The following RNF6 variants were observed in gnomAD, a reference collection of about 807,000 sequenced individuals.
RNF6 encodes the protein ring finger protein 6, also known as E3 ubiquitin-protein ligase RNF6.
RNF6 carries 21 observed loss-of-function variants against 50.1 expected under a neutral mutation model. The ratio of observed to expected loss-of-function variants is 0.42; its 90% CI spans 0.30 to 0.60. The LOEUF (loss-of-function observed/expected upper bound fraction) is 0.60. Among genes scored for constraint, RNF6 ranks in the 20% least tolerant of loss-of-function variants. The pLI is 0.20. For synonymous variants in RNF6, 255 were observed against 291.8 expected (o/e 0.87, Z 1.29); for missense variants, 698 against 838.2 (o/e 0.83, Z 2.07).
chr13:26,219,769 C>T (rs935178227), intron 2 of RNF6, 102 bp from the exon 3 acceptor site: 3 of 1,051,432 alleles, frequency 2.9e-6, no homozygotes, highest in African/African-American at 1.6e-5. Context: ...AATGTTGTCC[C>T]CTACCCAAAT....
intron 5 of RNF6, among the ~76,000 whole-genome samples, chr13:26,190,189 C>G (rs1379743933): frequency 6.6e-6 from 1 of 152,194 alleles, no homozygotes; most frequent in Non-Finnish European, 1.5e-5. Flanking sequence ...GACCATTCTT[C>G]ACATTTTCCT....
chr13:26,172,688 T>C (rs948315634), intron 5 of RNF6, among the ~76,000 whole-genome samples: 10 of 152,010 alleles, frequency 6.6e-5, no homozygotes. Context: ...GCACTACAGG[T>C]GCCCGCCACC....
intron 5 of RNF6, among the ~76,000 whole-genome samples, chr13:26,164,267 T>G (rs984113825): frequency 3.3e-5 from 5 of 152,174 alleles, no homozygotes; most frequent in Admixed American, 1.3e-4. Flanking sequence ...AACTGTCTTA[T>G]TCTCTCACTT....
At chr13:26,169,297 G>A (rs1260781142) in intron 5 of RNF6, among the ~76,000 whole-genome samples, 3 of 152,184 alleles carry the variant, frequency 2.0e-5, no homozygotes, top group Non-Finnish European at 4.4e-5. Context: ...TCAAAAAAAG[G>A]AGAGAGTGTA....
chr13:26,175,228 A>C (rs1259058821), intron 5 of RNF6, among the ~76,000 whole-genome samples: 8 of 152,208 alleles, frequency 5.3e-5, no homozygotes, highest in South Asian at 2.1e-4. Flanking sequence ...CTACAGGTGC[A>C]CACCACCATG....
downstream of RNF6, among the ~76,000 whole-genome samples, chr13:26,208,000 G>A (rs1391097216): frequency 2.0e-5 from 3 of 152,214 alleles, no homozygotes; most frequent in Non-Finnish European, 4.4e-5. Flanking sequence ...TGAATTTGAG[G>A]TTCCAAAGGG....
At chr13:26,219,304 T>C (rs1445892983) in intron 3 of RNF6, 153 bp downstream of exon 3, 4 of 619,004 alleles carry the variant, frequency 6.5e-6, no homozygotes, top group Non-Finnish European at 1.1e-5. Flanking sequence ...GATTTTCTAC[T>C]TTATTATACT....
chr13:26,170,135 A>G (rs1269933494), intron 5 of RNF6, among the ~76,000 whole-genome samples: 3 of 152,178 alleles, frequency 2.0e-5, no homozygotes, highest in Admixed American at 1.3e-4. Flanking sequence ...AGAGTCCATT[A>G]AGTAAGTGAT....
chr13:26,140,193 T>G (rs1479798047), intron 5 of RNF6, among the ~76,000 whole-genome samples: 4 of 152,260 alleles, frequency 2.6e-5, no homozygotes, highest in African/African-American at 9.6e-5. Context: ...CATTTTCTAT[T>G]GCTTATATGC....
At chr13:26,141,302 TC>T (rs1343397144) in intron 5 of RNF6, among the ~76,000 whole-genome samples, 1 of 151,522 alleles carries the variant, frequency 6.6e-6, no homozygotes, top group Non-Finnish European at 1.5e-5. Flanking sequence ...GTGGTGCATA[TC>T]TTTAATCCTA....
chr13:26,152,266 A>T (rs1408842721), intron 5 of RNF6, among the ~76,000 whole-genome samples: 1 of 152,228 alleles, frequency 6.6e-6, no homozygotes, highest in Non-Finnish European at 1.5e-5. Context: ...TACGTTTCCC[A>T]CTGTCCCCTT....
At chr13:26,172,412 A>G (rs1334622226) in intron 5 of RNF6, among the ~76,000 whole-genome samples, 3 of 152,272 alleles carry the variant, frequency 2.0e-5, no homozygotes, top group Admixed American at 6.5e-5. Flanking sequence ...GGATAAAGGA[A>G]CAATTTCTTC....
intron 5 of RNF6, among the ~76,000 whole-genome samples, chr13:26,169,189 C>T (rs2137628411): frequency 6.6e-6 from 1 of 152,278 alleles, no homozygotes; most frequent in East Asian, 1.9e-4. Flanking sequence ...TCCCTGCCAG[C>T]TCATGCACCC....
intron 5 of RNF6, among the ~76,000 whole-genome samples, chr13:26,161,557 T>A (rs987472302): frequency 1.3e-5 from 2 of 152,260 alleles, no homozygotes; most frequent in Non-Finnish European, 2.9e-5. Flanking sequence ...CCTAGGGTAC[T>A]ACATGACCTT....
intron 5 of RNF6, among the ~76,000 whole-genome samples, chr13:26,193,145 C>T (rs1868525903): frequency 6.6e-6 from 1 of 152,048 alleles, no homozygotes; most frequent in African/African-American, 2.4e-5. Flanking sequence ...TACCAGTAAG[C>T]AGTTGGATAT....
chr13:26,219,522 A>T lies in RNF6; in HGVS notation c.128T>A (p.Phe43Tyr). The T allele has an allele frequency of 6.2e-7, 1 of 1,613,794 alleles. No homozygotes were observed. Among genetic ancestry groups the T allele is most frequent in the Middle Eastern group, 1.7e-4 (1 of 6,060 alleles). ...ATCTTCATCATTGAGTTCATTAATA[A>T]ACTGATAATAGGCCTCTTCTCTGTG... is the stretch of plus-strand genomic sequence containing the variant. Reference protein sequence around the residue: ...RLHREEAYYQFINELNDEDYR... With the variant: ...RLHREEAYYQYINELNDEDYR... Residue 43 changes from phenylalanine (F) to tyrosine (Y), a missense_variant, in exon 3 of 5, where the codon TTT (phenylalanine) becomes TAT (tyrosine). Physicochemically the swap from Phe to Tyr is conservative, Grantham distance 22 (BLOSUM62 3). Transcript: ENST00000381588.
chr13:26,214,495 G>A lies in RNF6; in HGVS notation c.1387C>T (p.Pro463Ser), dbSNP rs1566438950. 4 of 1,614,144 alleles carry A rather than the reference G, an allele frequency of 2.5e-6. No individual in the cohort carries two copies. Among genetic ancestry groups the A allele is most frequent in the Non-Finnish European group, 3.4e-6 (4 of 1,180,048 alleles). ...TCATTCTCAGAAATCCTACGAAGAG[G>A]AACTGTTATGGTACTAACATAGGTT... ...IRTYVSTITV[P>S]LRRISENELV... The change falls in exon 5 of 5, where the codon CCT (proline) becomes TCT (serine). Residue 463 changes from proline (P) to serine (S), a missense_variant. Coordinates refer to ENST00000381588, the MANE Select transcript of RNF6 (RefSeq NM_005977.4).
Position 26,151,621 on chromosome 13 carries a change from CTTTTT to C in RNF6, n.769-19175_769-19171del, listed in dbSNP as rs10682446. 5.2e-3 allele frequency among the ~76,000 whole-genome samples: 732 copies of C among 139,586 alleles called. 7 individuals are homozygous for C. Among genetic ancestry groups the C allele is most frequent in the African/African-American group, 0.018 (686 of 38,218 alleles). 91.6% of individuals were successfully genotyped at this position (139,586 alleles called of 152,430 possible). A position where few individuals can be genotyped will look rare whatever the true frequency, so the allele number is the denominator to read the frequency against. ...CCTTTTCTCCTTTTTTTCTTTTTTT[CTTTTT>C]TTTTTTTTGGCAGAGGAGACATTTT... is the stretch of plus-strand genomic sequence containing the variant. On this transcript the variant is annotated intron_variant and non_coding_transcript_variant, in intron 5 of 5. Transcript: ENST00000468480.
intron 5 of RNF6, among the ~76,000 whole-genome samples, chr13:26,202,028 A>AC (rs942360583): frequency 1.1e-4 from 17 of 152,282 alleles, no homozygotes; most frequent in African/African-American, 3.9e-4. Flanking sequence ...GGTTTGTGCC[A>AC]CTAGGCCCTT....
Sources: allele counts gnomAD v4.1 joint callset (sites outside exome capture counted in the v4.1 genomes callset), GRCh38; gene constraint gnomAD v4.1.1; transcripts MANE v1.5; gene names NCBI Gene and HGNC (gene_info 2026-07-23, HGNC 2026-07-21).